Variants in DLK1 observed in about 807,000 individuals in gnomAD.
The protein encoded by DLK1 is protein delta homolog 1.
A neutral mutation model predicts 35.2 loss-of-function variants in DLK1; 9 were observed. That is an observed-to-expected ratio of 0.26 (90% CI 0.15 to 0.45). The LOEUF is 0.45. Among genes scored for constraint, DLK1 ranks in the 20% least tolerant of loss-of-function variants. The pLI is 1.00. For synonymous variants in DLK1, 231 were observed against 228.4 expected (o/e 1.01, Z -0.10); for missense variants, 522 against 528.5 (o/e 0.99, Z 0.12).
At position 100,738,118 on chromosome 14, in the gene DLK1, A is replaced by C. The variant is rs2036594524; in HGVS notation, c.*3222A>C. Reference sequence around the variant, plus strand: ...AGAGGAGTATCAATTTTGTCACCAAAATGTTAAAAAAAATGTCCTTGGCGC... The same window carrying C: ...AGAGGAGTATCAATTTTGTCACCAACATGTTAAAAAAAATGTCCTTGGCGC... On this transcript the variant is annotated 3_prime_UTR_variant, in exon 5 of 5. Transcript: ENST00000341267. 6.6e-6 allele frequency: 1 copy of C among 152,216 alleles called. No homozygotes were observed. The highest frequency in any genetic ancestry group is 1.5e-5 in the Non-Finnish European group (1 of 68,040). 9.4% of individuals were successfully genotyped at this position (152,216 alleles called of 1,614,324 possible).
In DLK1 at chr14:100,733,071, G is replaced by A. The variant is rs564021323; in HGVS notation, c.404+888G>A. Among the ~76,000 whole-genome samples the A allele has an allele frequency of 2.4e-4, 37 of 152,332 alleles. 1 individual carries two copies. The highest frequency in any genetic ancestry group is 8.4e-4 in the African/African-American group (35 of 41,582). The stretch of plus-strand genomic sequence containing the variant: ...GTAAGAGCTGTAAACAGACATTAAC[G>A]GGGCTTCCAAAGATCAGTCTTCAGA... On this transcript the variant is annotated intron_variant, in intron 4 of 4. Transcript: ENST00000341267.
At chr14:100,728,283 C>A in intron 1 of DLK1, 113 bp from the exon 2 acceptor site, 3 of 1,170,418 alleles carry the variant, frequency 2.6e-6, no homozygotes, top group Non-Finnish European at 3.8e-6. Flanking sequence ...TGGTAGGACC[C>A]AAGAGGGCTG....
At chr14:100,730,627 G>A (rs897758484) in intron 3 of DLK1, among the ~76,000 whole-genome samples, 1 of 152,242 alleles carries the variant, frequency 6.6e-6, no homozygotes, top group African/African-American at 2.4e-5. Flanking sequence ...GATTGGCATA[G>A]CAGGGAGAGC....
rs747870667 is a variant in DLK1, at chr14:100,738,017, C to T, written c.*3121C>T. Reference sequence around the variant, plus strand: ...TGTGTCTGGTGTAGTGTGTAGTTTACGAAACAAACGGAAAAGCTCAAAGAC... The same window carrying T: ...TGTGTCTGGTGTAGTGTGTAGTTTATGAAACAAACGGAAAAGCTCAAAGAC... On this transcript the variant is annotated 3_prime_UTR_variant, in exon 5 of 5. Transcript: ENST00000341267. The T allele has an allele frequency of 3.9e-5, 6 of 151,958 alleles. No homozygotes were observed. The highest frequency in any genetic ancestry group is 1.2e-4 in the African/African-American group (5 of 41,330). 9.4% of individuals were successfully genotyped at this position (151,958 alleles called of 1,614,324 possible).
At position 100,735,094 on chromosome 14, in the gene DLK1, C is replaced by T. The variant is rs963510015; in HGVS notation, c.*198C>T. ...TCTTTCTCTCTCTTAATGCATGATA[C>T]AGAATAATAATAAGAATTTCATCTT... On this transcript the variant is annotated 3_prime_UTR_variant, in exon 5 of 5. Coordinates refer to ENST00000341267, the MANE Select transcript of DLK1 (RefSeq NM_003836.7). 4.1e-6 allele frequency: 2 copies of T among 489,726 alleles called. No individual in the cohort carries two copies. Among genetic ancestry groups the T allele is most frequent in the East Asian group, 6.8e-5 (2 of 29,436 alleles). The allele number at this position is 489,726 out of a possible 1,614,324, so 30.3% of individuals were successfully genotyped here.
chr14:100,731,750 C>T (rs1474719789), intron 3 of DLK1, among the ~76,000 whole-genome samples: 3 of 152,246 alleles, frequency 2.0e-5, no homozygotes, highest in Non-Finnish European at 2.9e-5. Flanking sequence ...GTGAACGTCA[C>T]GGACATGTCG....
chr14:100,728,127 C>G (rs1266535138), intron 1 of DLK1, among the ~76,000 whole-genome samples: 1 of 152,166 alleles, frequency 6.6e-6, no homozygotes, highest in Non-Finnish European at 1.5e-5. Context: ...TTTGGGAGTC[C>G]GAGGAGAAGG....
At chr14:100,733,072 G>A (rs145839326) in intron 4 of DLK1, among the ~76,000 whole-genome samples, 77 of 152,326 alleles carry the variant, frequency 5.1e-4, no homozygotes, top group Admixed American at 2.0e-3. Flanking sequence ...GACATTAACG[G>A]GGCTTCCAAA....
At chr14:100,727,160 G>A (rs777098926) in intron 1 of DLK1, 25 bp downstream of exon 1, 6 of 1,544,334 alleles carry the variant, frequency 3.9e-6, no homozygotes, top group East Asian at 2.4e-5. Context: ...GGCCCGGCTC[G>A]CGCCCCCTCT....
Position 100,729,024 on chromosome 14 carries a change from T to G in DLK1, c.220T>G (p.Cys74Gly). The G allele has an allele frequency of 6.2e-7, 1 of 1,614,062 alleles. No individual in the cohort carries two copies. The highest frequency in any genetic ancestry group is 8.5e-7 in the Non-Finnish European group (1 of 1,180,026). The change falls in exon 3 of 5, where the codon TGC (cysteine) becomes GGC (glycine). Residue 74 changes from cysteine to glycine, a missense_variant. Physicochemically the swap from Cys to Gly is radical, Grantham distance 159. Coordinates refer to ENST00000341267, the MANE Select transcript of DLK1 (RefSeq NM_003836.7). Reference sequence around the variant, plus strand: ...CGGACTCTGTGGAGAACCCGGGCAGTGCATTTGCACCGACGGCTGGGACGG... The same window carrying G: ...CGGACTCTGTGGAGAACCCGGGCAGGGCATTTGCACCGACGGCTGGGACGG... ...LHGLCGEPGQ[C>G]ICTDGWDGEL...
chr14:100,728,393 C>T lies in DLK1; in HGVS notation c.68-3C>T, dbSNP rs758507505. 1 of 1,613,812 alleles carries T rather than the reference C, an allele frequency of 6.2e-7. No individual in the cohort carries two copies. Among genetic ancestry groups the T allele is most frequent in the Non-Finnish European group, 8.5e-7 (1 of 1,179,878 alleles). On this transcript the variant is annotated splice_polypyrimidine_tract_variant and splice_region_variant and intron_variant, in intron 1 of 4. Transcript: ENST00000341267. ...GAATTGTATAACCTTTCTTGTACCT[C>T]AGGGGCTGAATGCTTCCCGGCCTGC...
chr14:100,728,898 C>T (rs1284887709), intron 2 of DLK1, 38 bp from the exon 3 acceptor site: 1 of 1,608,570 alleles, frequency 6.2e-7, no homozygotes, highest in African/African-American at 1.3e-5. Context: ...CCCCTGCCCT[C>T]TTCATATGTC....
At position 100,727,969 on chromosome 14, in the gene DLK1, T is replaced by C. The variant is rs142021915; in HGVS notation, c.68-427T>C. ...GCCCACCAGGTGAACCTGTCTGGGCTTTCCCGGAGTTGAACACCTCAAAAT... is the reference window on the plus strand; with the variant it reads ...GCCCACCAGGTGAACCTGTCTGGGCCTTCCCGGAGTTGAACACCTCAAAAT... On this transcript the variant is annotated intron_variant, in intron 1 of 4. Transcript: ENST00000341267. 2.9e-4 allele frequency among the ~76,000 whole-genome samples: 44 copies of C among 152,300 alleles called. No homozygotes were observed. In the East Asian group the frequency reaches 8.3e-3, roughly 29 times the overall value.
chr14:100,727,835 G>C (rs1408361288), intron 1 of DLK1, among the ~76,000 whole-genome samples: 1 of 152,098 alleles, frequency 6.6e-6, no homozygotes, highest in Non-Finnish European at 1.5e-5. Context: ...TGTCGTCATC[G>C]TTTTTTTAAT....
chr14:100,732,251 G>C, intron 4 of DLK1, 68 bp downstream of exon 4: 1 of 1,560,576 alleles, frequency 6.4e-7, no homozygotes, highest in South Asian at 1.2e-5. Flanking sequence ...GACCCTTTCA[G>C]CCTAACCCTG....
At chr14:100,729,887 C>T (rs1595206536) in intron 3 of DLK1, among the ~76,000 whole-genome samples, 2 of 152,172 alleles carry the variant, frequency 1.3e-5, no homozygotes, top group Admixed American at 6.5e-5. Context: ...TTAGTAAAGA[C>T]GGTACAGATA....
In DLK1 at chr14:100,734,879, G is replaced by T; in HGVS notation, c.1135G>T (p.Gly379Cys). 1 of 1,592,182 alleles carries T rather than the reference G, an allele frequency of 6.3e-7. No homozygotes were observed. The highest frequency in any genetic ancestry group is 8.5e-7 in the Non-Finnish European group (1 of 1,171,464). The change falls in exon 5 of 5, where the codon GGC becomes TGC. Residue 379 changes from glycine to cysteine, a missense_variant. Transcript: ENST00000341267. This position sits in a 1 kb window ranked among gnomAD's most constrained non-coding sequence, Gnocchi z 7.4. ...CATGACCACCTTCAGCAAGGAGGCC[G>T]GCGACGAGGAGATCTAAGCAGCGTT... ...IDMTTFSKEA[G>C]DEEI is the part of the protein sequence containing the mutation.
chr14:100,729,546 G>T (rs1192217387), intron 3 of DLK1, among the ~76,000 whole-genome samples: 1 of 151,894 alleles, frequency 6.6e-6, no homozygotes, highest in Non-Finnish European at 1.5e-5. Context: ...TGAGGGGCAG[G>T]TGCTGAGTCA....
chr14:100,728,015 G>C (rs34656867), intron 1 of DLK1, among the ~76,000 whole-genome samples: 2 of 152,138 alleles, frequency 1.3e-5, no homozygotes, highest in African/African-American at 4.8e-5. Context: ...TTTCAGCTCA[G>C]GTTGCAAAAG....
Sources: allele counts gnomAD v4.1 joint callset (sites outside exome capture counted in the v4.1 genomes callset), GRCh38; gene constraint gnomAD v4.1.1; non-coding constraint Gnocchi (gnomAD v3.1); transcripts MANE v1.5; gene names NCBI Gene and HGNC (gene_info 2026-07-23, HGNC 2026-07-21).